ALCAM: variants seen among roughly 807,000 people sequenced by gnomAD.
ALCAM encodes activated leukocyte cell adhesion molecule.
In ALCAM, 30 loss-of-function variants were observed where a neutral mutation model predicts 70.9. The observed-to-expected ratio is 0.42, with a 90% CI of 0.32 to 0.57. ALCAM has a LOEUF of 0.57. Among genes scored for constraint, ALCAM ranks in the 20% least tolerant of loss-of-function variants. The probability of loss-of-function intolerance (pLI) is 0.11; values close to 1 mark genes in which losing one functional copy is unlikely to be tolerated. For synonymous variants in ALCAM, 249 were observed against 242.5 expected, an observed-to-expected ratio of 1.03 and a Z score of -0.25; for missense variants, 591 against 695.1, an observed-to-expected ratio of 0.85 and a Z score of 1.68.
intron 1 of ALCAM, among the ~76,000 whole-genome samples, chr3:105,433,113 C>T (rs187904165): frequency 6.6e-6 from 1 of 152,216 alleles, no homozygotes; most frequent in East Asian, 1.9e-4. Context: ...AAAACTCTTG[C>T]TTATGGCTAT....
In ALCAM at chr3:105,394,823, A is replaced by G. The variant is rs147735648; in HGVS notation, c.73+27342A>G. Among the ~76,000 whole-genome samples the G allele has an allele frequency of 1.8e-3, 277 of 152,040 alleles. 1 individual carries two copies. Among genetic ancestry groups the G allele is most frequent in the African/African-American group, 6.3e-3 (263 of 41,522 alleles). On this transcript the variant is annotated intron_variant, in intron 1 of 15. Transcript: ENST00000306107. ...AAACAAGCATGGCAAACCAATGACT[A>G]TATTTTGGGAAATTTTTTAGATAAT...
intron 1 of ALCAM, among the ~76,000 whole-genome samples, chr3:105,449,450 A>G (rs1482795976): frequency 1.3e-5 from 2 of 152,260 alleles, no homozygotes; most frequent in African/African-American, 2.4e-5. Context: ...AAAAGCACAC[A>G]AAGAGTTAAC....
chr3:105,418,576 T>C (rs1936565115), intron 1 of ALCAM, among the ~76,000 whole-genome samples: 1 of 151,760 alleles, frequency 6.6e-6, no homozygotes, highest in Non-Finnish European at 1.5e-5. Context: ...AGGATTGTAA[T>C]GGTTGAAGAA....
At chr3:105,487,781 A>G (rs908942362) in intron 1 of ALCAM, among the ~76,000 whole-genome samples, 1 of 152,148 alleles carries the variant, frequency 6.6e-6, no homozygotes, top group African/African-American at 2.4e-5. Context: ...CAGCGAGAAA[A>G]CAAAACCAGC....
Position 105,367,217 on chromosome 3 carries a change from C to T in ALCAM, c.-192C>T, listed in dbSNP as rs1935081170. On this transcript the variant is annotated 5_prime_UTR_variant, in exon 1 of 16. Transcript: ENST00000306107. ...ACCGGGAGGGAGGAGGAGTTGGGGG[C>T]ATTGCGTGGTGGAAAGTTGCGTGCG... 5.1e-6 allele frequency: 3 copies of T among 588,976 alleles called. No individual in the cohort carries two copies. The East Asian group carries it at 8.8e-5, about 17-fold the overall frequency. The allele number at this position is 588,976 out of a possible 1,614,324, so 36.5% of individuals were successfully genotyped here.
At chr3:105,426,718 A>G (rs1936799055) in intron 1 of ALCAM, among the ~76,000 whole-genome samples, 1 of 151,822 alleles carries the variant, frequency 6.6e-6, no homozygotes, top group African/African-American at 2.4e-5. Flanking sequence ...CTTGCTTTCC[A>G]TTTATGCAAA....
intron 1 of ALCAM, among the ~76,000 whole-genome samples, chr3:105,504,880 C>A (rs1184158000): frequency 6.6e-6 from 1 of 152,248 alleles, no homozygotes; most frequent in Non-Finnish European, 1.5e-5. Flanking sequence ...CTCTTCCCTT[C>A]CCCCTTCTGT....
chr3:105,435,343 G>C (rs1005216072), intron 1 of ALCAM, among the ~76,000 whole-genome samples: 6 of 152,160 alleles, frequency 3.9e-5, no homozygotes, highest in African/African-American at 1.4e-4. Context: ...CACTCTTACT[G>C]CTTCTGAATT....
At chr3:105,566,851 AT>A (rs1252221063) in intron 14 of ALCAM, among the ~76,000 whole-genome samples, 2 of 152,034 alleles carry the variant, frequency 1.3e-5, no homozygotes, top group Admixed American at 6.6e-5. Flanking sequence ...TACAATCTGT[AT>A]TTTTTTATTC....
chr3:105,572,576 TATA>T (rs1254518907), intron 15 of ALCAM, among the ~76,000 whole-genome samples: 3 of 152,168 alleles, frequency 2.0e-5, no homozygotes, highest in African/African-American at 7.2e-5. Flanking sequence ...TAGAATGATT[TATA>T]ATTCTTTGGC....
At chr3:105,519,256 T>A (rs1939468081) in intron 1 of ALCAM, among the ~76,000 whole-genome samples, 1 of 152,060 alleles carries the variant, frequency 6.6e-6, no homozygotes, top group Non-Finnish European at 1.5e-5. Flanking sequence ...ATTTGAATAA[T>A]GCTTTTCATT....
chr3:105,467,679 G>T (rs898792364), intron 1 of ALCAM, among the ~76,000 whole-genome samples: 1 of 151,120 alleles, frequency 6.6e-6, no homozygotes, highest in East Asian at 1.9e-4. Flanking sequence ...AGTGATTAGG[G>T]TGTGGTTTCT....
chr3:105,484,763 T>C (rs538604223), intron 1 of ALCAM, among the ~76,000 whole-genome samples: 1 of 152,232 alleles, frequency 6.6e-6, no homozygotes, highest in African/African-American at 2.4e-5. Context: ...CTCAGGTTAA[T>C]ATGCTTTCAA....
chr3:105,370,618 A>G (rs1331884067), intron 1 of ALCAM, among the ~76,000 whole-genome samples: 2 of 152,142 alleles, frequency 1.3e-5, no homozygotes, highest in Non-Finnish European at 2.9e-5. Context: ...AATTCATATA[A>G]ATTGTATTAT....
chr3:105,573,062 C>T (rs553843698), intron 15 of ALCAM, among the ~76,000 whole-genome samples: 45 of 152,248 alleles, frequency 3.0e-4, no homozygotes, highest in Non-Finnish European at 5.3e-4. Flanking sequence ...CAATGGCTCA[C>T]GCCTGTAATC....
Position 105,575,342 on chromosome 3 carries a change from G to A in ALCAM, c.*891G>A, listed in dbSNP as rs921420512. On this transcript the variant is annotated 3_prime_UTR_variant, in exon 16 of 16. Coordinates refer to ENST00000306107, the MANE Select transcript of ALCAM (RefSeq NM_001627.4). ...TACAAATTGGTGTTAAATCCTTTGG[G>A]TTATCCACTGCCTTAAAATTATACC... 6.6e-6 allele frequency: 1 copy of A among 152,432 alleles called. No homozygotes were observed. The highest frequency in any genetic ancestry group is 6.6e-5 in the Admixed American group (1 of 15,250). The allele number at this position is 152,432 out of a possible 1,614,324, so 9.4% of individuals were successfully genotyped here. A position where few individuals can be genotyped will look rare whatever the true frequency, so the allele number is the denominator to read the frequency against.
chr3:105,503,533 T>C (rs113300135), intron 1 of ALCAM, among the ~76,000 whole-genome samples: 2,325 of 152,114 alleles, frequency 0.015, 56 homozygotes, highest in African/African-American at 0.053. Flanking sequence ...CTAAACACTT[T>C]AACACGATTA....
chr3:105,537,200 A>G (rs932617470), intron 6 of ALCAM, among the ~76,000 whole-genome samples: 3 of 152,052 alleles, frequency 2.0e-5, no homozygotes, highest in Non-Finnish European at 4.4e-5. Flanking sequence ...TAGCTCTTTA[A>G]TCTTTGTTTT....
chr3:105,389,371 GTTTTTTTTTTTTTTTT>G (rs371987714), intron 1 of ALCAM, among the ~76,000 whole-genome samples: 1 of 58,188 alleles, frequency 1.7e-5, no homozygotes, highest in Admixed American at 3.2e-4. Context: ...TATATACATA[GTTTTTTTTTTTTTTTT>G]TTTTTTTTTT....
Sources: gnomAD v4.1 joint callset for allele counts (sites outside exome capture counted in the v4.1 genomes callset) on GRCh38, gnomAD v4.1.1 for gene constraint, MANE v1.5 for transcripts, NCBI Gene and HGNC (gene_info 2026-07-23, HGNC 2026-07-21) for gene names.